CRNKL1: variants seen among roughly 807,000 people sequenced by gnomAD.
CRNKL1 encodes the protein crooked neck-like protein 1.
Under a neutral mutation model 103.7 loss-of-function variants are expected in CRNKL1, and 35 were observed. The ratio of observed to expected loss-of-function variants is 0.34; its 90% CI spans 0.26 to 0.45. The LOEUF (loss-of-function observed/expected upper bound fraction) is 0.45. Ranked by LOEUF, CRNKL1 falls within the 20% of genes least tolerant of loss-of-function variation. The pLI is 1.00. For missense variants in CRNKL1, 645 were observed against 836.0 expected (o/e 0.77, Z 2.82); for synonymous variants, 267 against 282.6 (o/e 0.94, Z 0.55).
intron 9 of CRNKL1, among the ~76,000 whole-genome samples, chr20:20,041,215 GGGCACATTCATCTGTGCAT>G (rs1204385924): frequency 2.0e-5 from 3 of 152,294 alleles, no homozygotes; most frequent in African/African-American, 7.2e-5. Flanking sequence ...TCTACACAAG[GGGCACATTCATCTGTGCAT>G]GCACACACTC....
In CRNKL1 at chr20:20,042,855, A is replaced by G. The variant is rs146110172; in HGVS notation, c.973-339T>C. Among the ~76,000 whole-genome samples the G allele has an allele frequency of 1.6e-4, 24 of 152,354 alleles. No homozygotes were observed. In the East Asian group the frequency reaches 4.4e-3, roughly 28 times the overall value. ...GTATCATTATGTCTGTAACAACAGA[A>G]TCGTATCATGCTCACAATTGTTAAA... On this transcript the variant is annotated intron_variant, in intron 7 of 13. Transcript: ENST00000536226.
At chr20:20,051,190 C>T (rs1305571849) in intron 1 of CRNKL1, among the ~76,000 whole-genome samples, 1 of 152,080 alleles carries the variant, frequency 6.6e-6, no homozygotes, top group African/African-American at 2.4e-5. Context: ...GTGGTGAGTA[C>T]AAATTGAGGT....
intron 11 of CRNKL1, among the ~76,000 whole-genome samples, chr20:20,038,946 C>A (rs987241455): frequency 1.3e-5 from 2 of 152,176 alleles, no homozygotes; most frequent in Non-Finnish European, 2.9e-5. Flanking sequence ...GGCATGGACA[C>A]CTGAAAGCTG....
upstream of CRNKL1, among the ~76,000 whole-genome samples, chr20:20,055,099 C>T (rs541198080): frequency 3.9e-5 from 6 of 152,280 alleles, no homozygotes; most frequent in South Asian, 1.2e-3. Flanking sequence ...AACCCATCCT[C>T]TTAGTTTAAA....
At chr20:20,039,491 G>A (rs778982433) in intron 11 of CRNKL1, 118 bp downstream of exon 11, 172 of 1,253,842 alleles carry the variant, frequency 1.4e-4, no homozygotes, top group Non-Finnish European at 1.9e-4. Flanking sequence ...CTGAGTAGAA[G>A]AGACTAAGTT....
At position 20,050,673 on chromosome 20, in the gene CRNKL1, G is replaced by A. The variant is rs747818570; in HGVS notation, c.52-51C>T. The A allele has an allele frequency of 2.4e-5, 36 of 1,510,468 alleles. No homozygotes were observed. In the East Asian group the frequency reaches 7.8e-4, roughly 33 times the overall value. 93.6% of individuals were successfully genotyped at this position (1,510,468 alleles called of 1,614,324 possible). ...TTTTAGTAGTTGCTCTTCACACAAGGCTTAAGAAACAAACATACATTTTTT... is the reference window on the plus strand; with the variant it reads ...TTTTAGTAGTTGCTCTTCACACAAGACTTAAGAAACAAACATACATTTTTT... On this transcript the variant is annotated intron_variant, in intron 1 of 13. Coordinates refer to ENST00000536226, the MANE Select transcript of CRNKL1 (RefSeq NM_001278628.2).
intron 9 of CRNKL1, 116 bp downstream of exon 9, chr20:20,041,450 T>C: frequency 4.8e-6 from 4 of 825,824 alleles, no homozygotes; most frequent in Non-Finnish European, 6.1e-6. Context: ...ATTTATGTTG[T>C]CCATGGTGGG....
intron 8 of CRNKL1, 35 bp downstream of exon 8, chr20:20,042,290 C>G (rs1052193054): frequency 6.5e-7 from 1 of 1,529,356 alleles, no homozygotes; most frequent in Non-Finnish European, 8.8e-7. Context: ...AGACAGGAAA[C>G]CATTATCAGC....
chr20:20,050,653 G>A (rs780420820), intron 1 of CRNKL1, 31 bp from the exon 2 acceptor site: 22 of 1,574,210 alleles, frequency 1.4e-5, no homozygotes, highest in Non-Finnish European at 1.8e-5. Flanking sequence ...TCTATTTTTA[G>A]TAGTTGCTCT....
At chr20:20,042,611 T>G in intron 7 of CRNKL1, 95 bp from the exon 8 acceptor site, 1 of 1,145,442 alleles carries the variant, frequency 8.7e-7, no homozygotes, top group Non-Finnish European at 1.2e-6. Context: ...GCTGACTTTC[T>G]ATATTTTAGC....
upstream of CRNKL1, among the ~76,000 whole-genome samples, chr20:20,055,482 TA>T (rs1340617772): frequency 6.6e-6 from 1 of 152,208 alleles, no homozygotes; most frequent in Non-Finnish European, 1.5e-5. Flanking sequence ...GTTTAATTTT[TA>T]ATTCTCTGTT....
chr20:20,052,245 G>A, intron 1 of CRNKL1, 47 bp downstream of exon 1: 1 of 1,518,498 alleles, frequency 6.6e-7, no homozygotes, highest in Non-Finnish European at 9.0e-7. Flanking sequence ...GCTGAGGGAT[G>A]CCCCTTTCCT....
chr20:20,037,267 A>AG (rs1417372924), intron 13 of CRNKL1, 56 bp downstream of exon 13: 2 of 1,571,774 alleles, frequency 1.3e-6, no homozygotes, highest in Non-Finnish European at 1.7e-6. Flanking sequence ...TTTCGACGTC[A>AG]GAAGTGTTTC....
Position 20,037,291 on chromosome 20 carries a change from TGAGATGAACAGTCCCAGGGCA to T in CRNKL1, c.1896+11_1896+31del. On this transcript the variant is annotated intron_variant, in intron 13 of 13. Coordinates refer to ENST00000536226, the MANE Select transcript of CRNKL1 (RefSeq NM_001278628.2). ...CAGAAGTGTTTCTACTCATGTGACG[TGAGATGAACAGTCCCAGGGCA>T]GAGTTCTTACCCCATCATCAGTCTG... 3 of 1,599,600 alleles carry T rather than the reference TGAGATGAACAGTCCCAGGGCA, an allele frequency of 1.9e-6. No homozygotes were observed. The highest frequency in any genetic ancestry group is 2.6e-6 in the Non-Finnish European group (3 of 1,173,770).
rs2043618061 is a variant in CRNKL1, at chr20:20,047,839, T to A, written c.548A>T (p.Gln183Leu). The A allele has an allele frequency of 6.2e-7, 1 of 1,614,126 alleles. No individual in the cohort carries two copies. Among genetic ancestry groups the A allele is most frequent in the African/African-American group, 1.3e-5 (1 of 74,954 alleles). Residue 183 changes from glutamine to leucine, a missense_variant, in exon 5 of 14, where the codon CAA becomes CTA. By Grantham distance (113) the Gln-to-Leu change is moderately radical (BLOSUM62 -2). Transcript: ENST00000536226. Reference sequence around the variant, plus strand: ...AAAGTTGATGTAGGAGTGCCAGGCTTGCTCCTCAGGCTGCCACTCCATCCA... The same window carrying A: ...AAAGTTGATGTAGGAGTGCCAGGCTAGCTCCTCAGGCTGCCACTCCATCCA... Reference protein sequence around the residue: ...ERWMEWQPEEQAWHSYINFEL... With the variant: ...ERWMEWQPEELAWHSYINFEL...
intron 7 of CRNKL1, among the ~76,000 whole-genome samples, chr20:20,042,771 C>A (rs6046566): frequency 0.25 from 38,413 of 152,142 alleles, 7,451 homozygotes; most frequent in East Asian, 0.72. Context: ...ATCACTCTCA[C>A]GACAGTCAAT....
rs1338179653 is a variant in CRNKL1 at position 20,042,457 on chromosome 20, T to C, written c.1032A>G (p.Ala344=). The change falls in exon 8 of 14, where the codon GCA becomes GCG. Residue 344 remains alanine (A), a synonymous_variant. Coordinates refer to ENST00000536226, the MANE Select transcript of CRNKL1 (RefSeq NM_001278628.2). ...AGACTTCTCTCACGGCTTCAGCTTC[T>C]GCGTCACTTTCTACCAAGCGCAAGT... The part of the protein sequence containing the change: ...FDYLRLVESD[A]EAEAVREVYE... The C allele has an allele frequency of 6.2e-7, 1 of 1,614,192 alleles. No individual in the cohort carries two copies. Among genetic ancestry groups the C allele is most frequent in the Non-Finnish European group, 8.5e-7 (1 of 1,180,014 alleles).
At chr20:20,045,563 T>C in intron 5 of CRNKL1, 77 bp from the exon 6 acceptor site, 2 of 1,317,676 alleles carry the variant, frequency 1.5e-6, no homozygotes, top group Non-Finnish European at 2.1e-6. Context: ...ACCAAAACCA[T>C]ACCAAAGCCT....
Position 20,043,669 on chromosome 20 carries a change from G to A in CRNKL1, c.802-7C>T. ...TCACTCGTACCCTTTCAAACTAAAT[G>A]CAGACAGGATGATTACCTTCTATAA... On this transcript the variant is annotated splice_region_variant and splice_polypyrimidine_tract_variant and intron_variant, in intron 6 of 13. Transcript: ENST00000536226. 1.2e-6 allele frequency: 2 copies of A among 1,610,002 alleles called. No homozygotes were observed. The highest frequency in any genetic ancestry group is 8.5e-7 in the Non-Finnish European group (1 of 1,176,548).
Sources: gnomAD v4.1 joint callset for allele counts (sites outside exome capture counted in the v4.1 genomes callset) on GRCh38, gnomAD v4.1.1 for gene constraint, MANE v1.5 for transcripts, NCBI Gene and HGNC (gene_info 2026-07-23, HGNC 2026-07-21) for gene names.